PTPRO: variants seen among roughly 807,000 people sequenced by gnomAD.
PTPRO encodes the protein receptor-type tyrosine-protein phosphatase O.
A neutral mutation model predicts 145.2 loss-of-function variants in PTPRO; 62 were observed. The observed-to-expected ratio is 0.43, with a 90% CI of 0.35 to 0.53. PTPRO has a LOEUF of 0.53. Ranked by LOEUF, PTPRO falls within the 20% of genes least tolerant of loss-of-function variation. PTPRO has a pLI of 0.01. For missense variants in PTPRO, 1,345 were observed against 1,482.7 expected (o/e 0.91, Z 1.53); for synonymous variants, 565 against 514.7 (o/e 1.10, Z -1.32).
intron 16 of PTPRO, 148 bp downstream of exon 16, chr12:15,557,671 C>A (rs558836242): frequency 1.6e-5 from 12 of 734,260 alleles, no homozygotes; most frequent in Admixed American, 2.0e-5. Flanking sequence ...TAGATCTTCA[C>A]AGAATATAAT....
intron 19 of PTPRO, among the ~76,000 whole-genome samples, chr12:15,574,481 G>C (rs1198203101): frequency 3.3e-5 from 5 of 152,198 alleles, no homozygotes; most frequent in African/African-American, 1.2e-4. Context: ...TCTCTGTTCA[G>C]ACATGTGGCT....
At chr12:15,481,142 T>C (rs1453412945) in intron 1 of PTPRO, among the ~76,000 whole-genome samples, 1 of 152,236 alleles carries the variant, frequency 6.6e-6, no homozygotes, top group Admixed American at 6.5e-5. Flanking sequence ...TTGTGTTTTA[T>C]CCTTCTTGCC....
At chr12:15,454,354 A>G (rs1471658591) in intron 1 of PTPRO, among the ~76,000 whole-genome samples, 6 of 152,134 alleles carry the variant, frequency 3.9e-5, no homozygotes, top group East Asian at 3.8e-4. Flanking sequence ...GGCCACGTGT[A>G]TGTCTTCTTT....
At chr12:15,478,146 G>C (rs1941699135) in intron 1 of PTPRO, among the ~76,000 whole-genome samples, 1 of 152,214 alleles carries the variant, frequency 6.6e-6, no homozygotes, top group South Asian at 2.1e-4. Flanking sequence ...TACAAGAGCA[G>C]ACTGCACATA....
rs761059466 is a variant in PTPRO at position 15,557,444 on chromosome 12, C to G, written c.2559-11C>G. 1.2e-6 allele frequency: 2 copies of G among 1,612,874 alleles called. No homozygotes were observed. Among genetic ancestry groups the G allele is most frequent in the East Asian group, 4.5e-5 (2 of 44,842 alleles). On this transcript the variant is annotated splice_polypyrimidine_tract_variant and intron_variant, in intron 15 of 26. Transcript: ENST00000281171. ...AGCAGTAACCTTGATTTTGTGGTTCCTTTAAAACAGGGAGTGTGGAGCTGG... is the reference window on the plus strand; with the variant it reads ...AGCAGTAACCTTGATTTTGTGGTTCGTTTAAAACAGGGAGTGTGGAGCTGG...
chr12:15,464,397 C>T (rs913830345), intron 1 of PTPRO, among the ~76,000 whole-genome samples: 1 of 134,634 alleles, frequency 7.4e-6, no homozygotes, highest in African/African-American at 2.5e-5. Flanking sequence ...CTCTGTCACC[C>T]AGGCTGGTGT....
intron 1 of PTPRO, among the ~76,000 whole-genome samples, chr12:15,415,822 C>T (rs1939955940): frequency 1.3e-5 from 2 of 151,758 alleles, no homozygotes; most frequent in African/African-American, 2.4e-5. Flanking sequence ...TGACAACCAG[C>T]CTGAACTATT....
chr12:15,520,434 G>T lies in PTPRO; in HGVS notation c.1891+122G>T, dbSNP rs376536249. On this transcript the variant is annotated intron_variant, in intron 10 of 26. Coordinates refer to ENST00000281171, the MANE Select transcript of PTPRO (RefSeq NM_030667.3). ...AGCACTGGGTGAGCATCAATTTCATGGGAGATAATATTGATTCTGATCATT... is the reference window on the plus strand; with the variant it reads ...AGCACTGGGTGAGCATCAATTTCATTGGAGATAATATTGATTCTGATCATT... The T allele has an allele frequency of 1.1e-4, 78 of 716,756 alleles. No individual in the cohort carries two copies. In the African/African-American group the frequency reaches 1.3e-3, roughly 12 times the overall value. 44.4% of individuals were successfully genotyped at this position (716,756 alleles called of 1,614,324 possible). A position where few individuals can be genotyped will look rare whatever the true frequency, so the allele number is the denominator to read the frequency against.
At chr12:15,439,330 C>T (rs1940690582) in intron 1 of PTPRO, among the ~76,000 whole-genome samples, 1 of 152,152 alleles carries the variant, frequency 6.6e-6, no homozygotes, top group Non-Finnish European at 1.5e-5. Flanking sequence ...CACTTAAGTA[C>T]ATAGCCTGCA....
intron 1 of PTPRO, among the ~76,000 whole-genome samples, chr12:15,473,978 A>T (rs1941599563): frequency 6.6e-6 from 1 of 152,154 alleles, no homozygotes. Flanking sequence ...GACTTCCCCT[A>T]GTTCTCACAG....
intron 1 of PTPRO, among the ~76,000 whole-genome samples, chr12:15,363,721 T>C (rs1049424964): frequency 1.3e-5 from 2 of 152,126 alleles, no homozygotes; most frequent in African/African-American, 4.8e-5. Context: ...ATTGAAGACC[T>C]AACCTAGTTT....
chr12:15,510,051 AT>A (rs930934898), intron 7 of PTPRO, among the ~76,000 whole-genome samples: 1 of 152,054 alleles, frequency 6.6e-6, no homozygotes, highest in Non-Finnish European at 1.5e-5. Flanking sequence ...AAGGAAAAAA[AT>A]AATTATCAAT....
At chr12:15,351,021 C>T (rs890095348) in intron 1 of PTPRO, among the ~76,000 whole-genome samples, 4 of 152,054 alleles carry the variant, frequency 2.6e-5, no homozygotes, top group African/African-American at 9.7e-5. Flanking sequence ...AAAATGGAAA[C>T]TTGAGAAACT....
intron 1 of PTPRO, among the ~76,000 whole-genome samples, chr12:15,350,979 T>C (rs879805127): frequency 3.9e-4 from 59 of 152,282 alleles, no homozygotes; most frequent in Non-Finnish European, 6.2e-4. Context: ...TTCTTTTTTT[T>C]CCCTCCCCTC....
In PTPRO at chr12:15,322,751, C is replaced by G; in HGVS notation, c.25C>G (p.His9Asp). Residue 9 changes from histidine to aspartate, a missense_variant, in exon 1 of 27, where the codon CAC (histidine) becomes GAC (aspartate). Transcript: ENST00000281171. The surrounding 1 kb of genome is among the most constrained non-coding windows in gnomAD (Gnocchi z 6.3). MGHLPTGIHGARRLLPLLW... is the reference protein window; with the variant it reads MGHLPTGIDGARRLLPLLW... ...GATGGGGCACCTGCCCACGGGGATA[C>G]ACGGCGCCCGCCGCCTCCTGCCTCT... The G allele has an allele frequency of 6.2e-7, 1 of 1,612,124 alleles. No individual in the cohort carries two copies. The highest frequency in any genetic ancestry group is 8.5e-7 in the Non-Finnish European group (1 of 1,179,398).
At chr12:15,358,000 T>C (rs926071177) in intron 1 of PTPRO, among the ~76,000 whole-genome samples, 3 of 151,188 alleles carry the variant, frequency 2.0e-5, no homozygotes, top group Non-Finnish European at 3.0e-5. Flanking sequence ...TGTCCAACAA[T>C]GATAGACTGG....
At chr12:15,505,912 G>C (rs1355256750) in intron 6 of PTPRO, among the ~76,000 whole-genome samples, 1 of 152,080 alleles carries the variant, frequency 6.6e-6, no homozygotes, top group Non-Finnish European at 1.5e-5. Flanking sequence ...ATTCAGGTAG[G>C]AATTTGCACT....
At chr12:15,323,084 C>T (rs537911969) in intron 1 of PTPRO, among the ~76,000 whole-genome samples, 86 of 152,374 alleles carry the variant, frequency 5.6e-4, no homozygotes, top group African/African-American at 2.0e-3. Flanking sequence ...CAAAGGTGGG[C>T]TTGTTGGATC....
intron 1 of PTPRO, among the ~76,000 whole-genome samples, chr12:15,468,368 T>G (rs955942250): frequency 6.6e-6 from 1 of 152,202 alleles, no homozygotes; most frequent in Non-Finnish European, 1.5e-5. Context: ...CCTCTAACTT[T>G]TTTAGAAGGG....
Sources: allele counts gnomAD v4.1 joint callset (sites outside exome capture counted in the v4.1 genomes callset), GRCh38; gene constraint gnomAD v4.1.1; non-coding constraint Gnocchi (gnomAD v3.1); transcripts MANE v1.5; gene names NCBI Gene and HGNC (gene_info 2026-07-23, HGNC 2026-07-21).